MICU3: variants seen among roughly 807,000 people sequenced by gnomAD.
MICU3 encodes the protein calcium uptake protein 3, mitochondrial.
A neutral mutation model predicts 66.5 loss-of-function variants in MICU3; 62 were observed. That is an observed-to-expected ratio of 0.93 (90% CI 0.76 to 1.15). MICU3 has a LOEUF of 1.15. MICU3 is among the 50% of genes most tolerant of loss of function. MICU3 has a pLI of 0.00. For missense variants in MICU3, 779 were observed against 664.4 expected (o/e 1.17, Z -1.90); for synonymous variants, 308 against 240.7 (o/e 1.28, Z -2.59).
chr8:17,113,700 C>A (rs1478092377), intron 11 of MICU3, among the ~76,000 whole-genome samples: 1 of 151,974 alleles, frequency 6.6e-6, no homozygotes, highest in Non-Finnish European at 1.5e-5. Flanking sequence ...GCAGGGGAAA[C>A]TTTTTTATGG....
At position 17,121,216 on chromosome 8, in the gene MICU3, C is replaced by G. The variant is rs1047794076; in HGVS notation, c.*929C>G. 6.6e-6 allele frequency: 1 copy of G among 151,678 alleles called. No individual in the cohort carries two copies. Among genetic ancestry groups the G allele is most frequent in the Non-Finnish European group, 1.5e-5 (1 of 67,756 alleles). The allele number at this position is 151,678 out of a possible 1,614,324, so 9.4% of individuals were successfully genotyped here. ...AGCATCAAATGAGTATTGTAAAAGACTAATATAAAATGGTTTATAAGACTG... is the reference window on the plus strand; with the variant it reads ...AGCATCAAATGAGTATTGTAAAAGAGTAATATAAAATGGTTTATAAGACTG... On this transcript the variant is annotated 3_prime_UTR_variant, in exon 15 of 15. Transcript: ENST00000318063.
chr8:17,087,236 T>C (rs1799569405), intron 7 of MICU3, among the ~76,000 whole-genome samples: 1 of 152,064 alleles, frequency 6.6e-6, no homozygotes, highest in South Asian at 2.1e-4. Flanking sequence ...ATTAAACATT[T>C]GTATCCATAA....
chr8:17,099,445 T>A (rs1298252413), intron 9 of MICU3, among the ~76,000 whole-genome samples: 1 of 151,786 alleles, frequency 6.6e-6, no homozygotes, highest in Non-Finnish European at 1.5e-5. Context: ...CTGTTATCCA[T>A]ATATACAATG....
At chr8:17,124,704 T>G (rs1015104796), downstream of MICU3, among the ~76,000 whole-genome samples, 2 of 151,868 alleles carry the variant, frequency 1.3e-5, no homozygotes, top group Non-Finnish European at 2.9e-5. Flanking sequence ...AGATCTCGTG[T>G]GCTGAAAACA....
At chr8:17,063,218 A>G (rs1419243262) in intron 1 of MICU3, among the ~76,000 whole-genome samples, 1 of 152,174 alleles carries the variant, frequency 6.6e-6, no homozygotes, top group African/African-American at 2.4e-5. Context: ...TCTGTCTTCT[A>G]ATTTTATACG....
the MICU3 span, chr8:17,131,370 G>C: frequency 6.7e-6 from 1 of 148,838 alleles, no homozygotes; most frequent in Admixed American, 6.8e-5. Flanking sequence ...GCATAAGTGG[G>C]AGTTGCTAGA....
chr8:17,114,194 A>G lies in MICU3; in HGVS notation c.1359A>G (p.Ile453Met). The change falls in exon 12 of 15, where the codon ATA becomes ATG. Residue 453 changes from isoleucine to methionine, a missense_variant. By Grantham distance (10) the Ile-to-Met change is conservative. Coordinates refer to ENST00000318063, the MANE Select transcript of MICU3 (RefSeq NM_181723.3). The stretch of plus-strand genomic sequence containing the variant: ...TGTATAACTTTGCAAGTCGTTCTAT[A>G]GGGCAAGGTAAGTAATCATCTACAA... ...LNMYNFASRS[I>M]GQDEFKRAVY... The G allele has an allele frequency of 6.3e-7, 1 of 1,589,408 alleles. No homozygotes were observed. The highest frequency in any genetic ancestry group is 8.6e-7 in the Non-Finnish European group (1 of 1,160,312).
rs140872742 is a variant in MICU3 at position 17,041,438 on chromosome 8, G to T, written c.381+13778G>T. 2.2e-3 allele frequency among the ~76,000 whole-genome samples: 333 copies of T among 152,312 alleles called. 1 individual carries two copies. Among genetic ancestry groups the T allele is most frequent in the African/African-American group, 7.3e-3 (305 of 41,578 alleles). The stretch of plus-strand genomic sequence containing the variant: ...ACAAGGAAGTCATGGGTGATTTTGT[G>T]AAGACATTGGAGGTGATAATCAGAT... On this transcript the variant is annotated intron_variant, in intron 1 of 14. Transcript: ENST00000318063.
At chr8:17,052,602 A>G (rs1346833971) in intron 1 of MICU3, among the ~76,000 whole-genome samples, 1 of 152,164 alleles carries the variant, frequency 6.6e-6, no homozygotes, top group Non-Finnish European at 1.5e-5. Context: ...AGCAACTTTT[A>G]AAAACTTTGA....
chr8:17,112,162 A>G (rs1159867085), intron 11 of MICU3, among the ~76,000 whole-genome samples: 5 of 152,078 alleles, frequency 3.3e-5, no homozygotes, highest in Non-Finnish European at 5.9e-5. Context: ...TTGAGATGAG[A>G]TTTGGGTGGG....
intron 5 of MICU3, among the ~76,000 whole-genome samples, chr8:17,082,960 A>G (rs1321537095): frequency 2.0e-5 from 3 of 152,130 alleles, no homozygotes; most frequent in Non-Finnish European, 2.9e-5. Flanking sequence ...GACTGAGCCA[A>G]TTTATCAAGA....
chr8:17,072,220 G>A (rs537255907), intron 3 of MICU3, among the ~76,000 whole-genome samples: 3 of 152,066 alleles, frequency 2.0e-5, no homozygotes, highest in Non-Finnish European at 4.4e-5. Flanking sequence ...CTAGATCAAG[G>A]TAATAGAATA....
At chr8:17,051,393 C>G (rs1816053005) in intron 1 of MICU3, among the ~76,000 whole-genome samples, 1 of 152,158 alleles carries the variant, frequency 6.6e-6, no homozygotes, top group Admixed American at 6.5e-5. Context: ...TAAACAATTC[C>G]TGCGTTCATG....
chr8:17,069,027 T>A (rs1819143776), intron 2 of MICU3, among the ~76,000 whole-genome samples: 1 of 152,132 alleles, frequency 6.6e-6, no homozygotes, highest in Non-Finnish European at 1.5e-5. Flanking sequence ...AGTTTTACAG[T>A]GTTTGAGATC....
intron 1 of MICU3, among the ~76,000 whole-genome samples, chr8:17,028,230 G>A (rs1200120737): frequency 6.6e-6 from 1 of 152,180 alleles, no homozygotes; most frequent in Non-Finnish European, 1.5e-5. Flanking sequence ...TTCAAAAAGA[G>A]ACATAAGTAT....
chr8:17,064,329 A>G (rs1818345859), intron 2 of MICU3, 92 bp downstream of exon 2: 2 of 919,842 alleles, frequency 2.2e-6, no homozygotes, highest in Non-Finnish European at 3.2e-6. Flanking sequence ...TTTTAGAAGA[A>G]CTGAGTAATG....
chr8:17,110,466 C>T (rs1053916907), intron 11 of MICU3, among the ~76,000 whole-genome samples: 1 of 152,126 alleles, frequency 6.6e-6, no homozygotes, highest in African/African-American at 2.4e-5. Flanking sequence ...TGCTTTCTGT[C>T]TCTGTGGATT....
At chr8:17,094,908 T>A (rs1800506595) in intron 8 of MICU3, among the ~76,000 whole-genome samples, 1 of 152,016 alleles carries the variant, frequency 6.6e-6, no homozygotes, top group African/African-American at 2.4e-5. Flanking sequence ...CTTAACAGTT[T>A]GCCGTATTTT....
chr8:17,089,041 A>G (rs1478097575), intron 7 of MICU3, among the ~76,000 whole-genome samples: 2 of 151,974 alleles, frequency 1.3e-5, no homozygotes, highest in Non-Finnish European at 2.9e-5. Flanking sequence ...GATTTGTTTT[A>G]AAGAACAGAT....
Sources: allele counts gnomAD v4.1 joint callset (sites outside exome capture counted in the v4.1 genomes callset), GRCh38; gene constraint gnomAD v4.1.1; transcripts MANE v1.5; gene names NCBI Gene and HGNC (gene_info 2026-07-23, HGNC 2026-07-21).